Variants in ZFAND3 observed in about 807,000 individuals in gnomAD.
ZFAND3 encodes the protein zinc finger AN1-type containing 3, also known as AN1-type zinc finger protein 3.
A neutral mutation model predicts 29.6 loss-of-function variants in ZFAND3; 10 were observed. The observed-to-expected ratio is 0.34, with a 90% confidence interval of 0.21 to 0.57. The LOEUF is 0.57. Among genes scored for constraint, ZFAND3 ranks in the 20% least tolerant of loss-of-function variants. The pLI is 0.86. For synonymous variants in ZFAND3, 128 were observed against 112.6 expected (o/e 1.14, Z -0.87); for missense variants, 230 against 304.5 (o/e 0.76, Z 1.82).
intron 5 of ZFAND3, among the ~76,000 whole-genome samples, chr6:38,130,869 T>G (rs1036737409): frequency 6.6e-6 from 1 of 152,192 alleles, no homozygotes; most frequent in Non-Finnish European, 1.5e-5. Context: ...TGTGGAATAG[T>G]GTCAATAGGA....
chr6:37,963,592 GA>G (rs74536857), intron 2 of ZFAND3, among the ~76,000 whole-genome samples: 108 of 145,178 alleles, frequency 7.4e-4, no homozygotes, highest in Middle Eastern at 3.5e-3. Context: ...GCCAGACTAA[GA>G]AAAAAAAAAA....
chr6:37,867,725 A>G (rs538086062), intron 1 of ZFAND3, among the ~76,000 whole-genome samples: 26 of 152,320 alleles, frequency 1.7e-4, no homozygotes, highest in African/African-American at 6.3e-4. Flanking sequence ...GAGAATTGTC[A>G]CAATAAGAAC....
chr6:37,830,428 T>A (rs1270163007), intron 1 of ZFAND3, among the ~76,000 whole-genome samples: 1 of 152,200 alleles, frequency 6.6e-6, no homozygotes, highest in Non-Finnish European at 1.5e-5. Context: ...AGATGTTCTG[T>A]CTTTTCTTGA....
intron 5 of ZFAND3, among the ~76,000 whole-genome samples, chr6:38,131,944 A>G (rs1456778323): frequency 6.6e-6 from 1 of 152,230 alleles, no homozygotes; most frequent in Non-Finnish European, 1.5e-5. Context: ...CTTGAGGTCC[A>G]GGGTACATGT....
intron 1 of ZFAND3, among the ~76,000 whole-genome samples, chr6:37,828,401 C>A (rs927395617): frequency 6.6e-6 from 1 of 152,148 alleles, no homozygotes; most frequent in African/African-American, 2.4e-5. Flanking sequence ...TTAATGGCAG[C>A]CCTTTCTAGG....
rs1183203249 is a variant in ZFAND3 at position 38,103,532 on chromosome 6, TAC to T, written c.362-13030_362-13029del. ...ACACGTGTATATATACACATATATATACACACACACATACATACATACACACT... is the reference window on the plus strand; with the variant it reads ...ACACGTGTATATATACACATATATATACACACACATACATACATACACACT... On this transcript the variant is annotated intron_variant, in intron 4 of 5. Transcript: ENST00000287218. Among the ~76,000 whole-genome samples, 12 of 149,100 alleles carry T rather than the reference TAC, an allele frequency of 8.0e-5. No homozygotes were observed. In the East Asian group the frequency reaches 2.0e-3, roughly 25 times the overall value.
intron 1 of ZFAND3, among the ~76,000 whole-genome samples, chr6:37,878,635 C>T (rs542508700): frequency 3.9e-5 from 6 of 152,250 alleles, no homozygotes; most frequent in South Asian, 4.1e-4. Context: ...CTCTGCTGGC[C>T]GAGGCAGTTT....
intron 5 of ZFAND3, among the ~76,000 whole-genome samples, chr6:38,145,403 T>C (rs1268789957): frequency 6.6e-6 from 1 of 152,234 alleles, no homozygotes; most frequent in African/African-American, 2.4e-5. Flanking sequence ...TCACAGCACT[T>C]AGAACAAGGT....
At chr6:37,889,094 C>T (rs965969256) in intron 1 of ZFAND3, among the ~76,000 whole-genome samples, 1 of 152,174 alleles carries the variant, frequency 6.6e-6, no homozygotes, top group African/African-American at 2.4e-5. Context: ...AGGTTGGGTT[C>T]AGCAGCTCTG....
At chr6:38,142,024 G>T (rs1765968087) in intron 5 of ZFAND3, among the ~76,000 whole-genome samples, 1 of 152,174 alleles carries the variant, frequency 6.6e-6, no homozygotes, top group African/African-American at 2.4e-5. Context: ...TGTCAAAACA[G>T]GGCAGCAGGA....
intron 2 of ZFAND3, among the ~76,000 whole-genome samples, chr6:37,969,104 C>T (rs1457978884): frequency 6.6e-6 from 1 of 152,100 alleles, no homozygotes; most frequent in African/African-American, 2.4e-5. Context: ...ATACTACAGG[C>T]ATTTGAAACA....
At chr6:37,936,212 G>C (rs1430346294) in intron 2 of ZFAND3, among the ~76,000 whole-genome samples, 3 of 152,126 alleles carry the variant, frequency 2.0e-5, no homozygotes, top group African/African-American at 7.2e-5. Context: ...AAGTGGGGAA[G>C]GCAGAAATTT....
intron 2 of ZFAND3, among the ~76,000 whole-genome samples, chr6:38,061,114 A>G (rs903280813): frequency 7.9e-5 from 12 of 152,154 alleles, no homozygotes; most frequent in Admixed American, 4.6e-4. Flanking sequence ...ATTTAGTCCA[A>G]ATATTCTGCC....
intron 1 of ZFAND3, among the ~76,000 whole-genome samples, chr6:37,840,388 C>T (rs1293090381): frequency 2.0e-5 from 3 of 152,254 alleles, no homozygotes; most frequent in Non-Finnish European, 4.4e-5. Context: ...CATGCGCCAC[C>T]GCGCCTGGCC....
chr6:38,150,841 G>C (rs1766206627), intron 5 of ZFAND3, among the ~76,000 whole-genome samples: 1 of 152,194 alleles, frequency 6.6e-6, no homozygotes, highest in African/African-American at 2.4e-5. Flanking sequence ...GCAGGCTGCT[G>C]TGGGATGCCT....
At chr6:37,838,387 T>C (rs1360565893) in intron 1 of ZFAND3, among the ~76,000 whole-genome samples, 1 of 152,240 alleles carries the variant, frequency 6.6e-6, no homozygotes, top group Non-Finnish European at 1.5e-5. Flanking sequence ...CACAAAGTTA[T>C]GCAACCATCA....
chr6:37,995,252 TTAAAA>T (rs1196852566), intron 2 of ZFAND3, among the ~76,000 whole-genome samples: 1 of 152,184 alleles, frequency 6.6e-6, no homozygotes, highest in African/African-American at 2.4e-5. Flanking sequence ...AACCTCTTTC[TTAAAA>T]TAAGGAAAAC....
intron 1 of ZFAND3, among the ~76,000 whole-genome samples, chr6:37,871,310 T>C (rs1453572272): frequency 6.6e-6 from 1 of 152,228 alleles, no homozygotes; most frequent in African/African-American, 2.4e-5. Context: ...TGTGTTCTTT[T>C]ATGGTTTCTG....
chr6:37,855,882 G>T (rs1167956860), intron 1 of ZFAND3, among the ~76,000 whole-genome samples: 1 of 152,028 alleles, frequency 6.6e-6, no homozygotes, highest in Non-Finnish European at 1.5e-5. Flanking sequence ...AATAATTCAG[G>T]CATAATATTA....
Sources: gnomAD v4.1 joint callset for allele counts (sites outside exome capture counted in the v4.1 genomes callset) on GRCh38, gnomAD v4.1.1 for gene constraint, MANE v1.5 for transcripts, NCBI Gene and HGNC (gene_info 2026-07-23, HGNC 2026-07-21) for gene names.